Variants in GLIS3 observed in about 807,000 individuals in gnomAD.
GLIS3 encodes the protein GLIS family zinc finger 3, also known as zinc finger protein GLIS3.
A neutral mutation model predicts 78.6 loss-of-function variants in GLIS3; 53 were observed. The ratio of observed to expected loss-of-function variants is 0.67; its 90% CI spans 0.54 to 0.85. GLIS3 has a LOEUF of 0.85. Ranked by LOEUF, GLIS3 falls within the 40% of genes least tolerant of loss-of-function variation. The pLI, the probability that GLIS3 is intolerant of heterozygous loss-of-function variation, is 0.00. For missense variants in GLIS3, 1,703 were observed against 1,231.1 expected, an observed-to-expected ratio of 1.38 and a Z score of -5.74; for synonymous variants, 684 against 509.9, an observed-to-expected ratio of 1.34 and a Z score of -4.60.
chr9:3,922,447 T>C (rs901015080), intron 6 of GLIS3, among the ~76,000 whole-genome samples: 1 of 152,242 alleles, frequency 6.6e-6, no homozygotes, highest in Admixed American at 6.5e-5. Context: ...AAAGTTTGCA[T>C]ATGTCCTCAT....
At chr9:3,912,129 G>A (rs534338330) in intron 6 of GLIS3, among the ~76,000 whole-genome samples, 3 of 152,102 alleles carry the variant, frequency 2.0e-5, no homozygotes, top group East Asian at 1.9e-4. Flanking sequence ...CATTAACTCC[G>A]TAGGCTTGTA....
intron 4 of GLIS3, among the ~76,000 whole-genome samples, chr9:4,011,115 C>G (rs1309239286): frequency 6.6e-6 from 1 of 152,156 alleles, no homozygotes; most frequent in Non-Finnish European, 1.5e-5. Context: ...CTGAAACACC[C>G]TATTTGCAAA....
intron 4 of GLIS3, among the ~76,000 whole-genome samples, chr9:4,079,261 G>A (rs539677815): frequency 6.6e-6 from 1 of 152,162 alleles, no homozygotes; most frequent in Non-Finnish European, 1.5e-5. Flanking sequence ...GTAAGTGAAA[G>A]GTATTAGAAT....
chr9:4,030,797 C>T (rs1472153109), intron 4 of GLIS3, among the ~76,000 whole-genome samples: 1 of 152,106 alleles, frequency 6.6e-6, no homozygotes, highest in African/African-American at 2.4e-5. Context: ...CAGGATGAAG[C>T]CAGAAATGCT....
At chr9:4,070,834 T>C (rs1167674571) in intron 4 of GLIS3, 3 of 152,212 alleles carry the variant, frequency 2.0e-5, no homozygotes, top group African/African-American at 7.2e-5. Flanking sequence ...TTTACAGTTC[T>C]TTTATGGGCT....
chr9:4,162,847 G>A (rs1300535342), intron 2 of GLIS3, among the ~76,000 whole-genome samples: 5 of 95,836 alleles, frequency 5.2e-5, no homozygotes, highest in East Asian at 6.0e-4. Context: ...ACAGAGTCTC[G>A]CTCTGTCAAA....
At chr9:4,117,038 G>A (rs139236305) in intron 4 of GLIS3, among the ~76,000 whole-genome samples, 57 of 152,282 alleles carry the variant, frequency 3.7e-4, no homozygotes, top group Admixed American at 5.2e-4. Context: ...GAGAGTTCCA[G>A]GATGGATGCT....
chr9:4,286,583 A>G, intron 1 of GLIS3, 60 bp from the exon 2 acceptor site: 1 of 838,738 alleles, frequency 1.2e-6, no homozygotes, highest in Non-Finnish European at 1.9e-6. Context: ...AGATACAGTG[A>G]GTTTTTCAAC....
intron 9 of GLIS3, among the ~76,000 whole-genome samples, chr9:3,854,848 T>C (rs1387582549): frequency 6.6e-6 from 1 of 152,136 alleles, no homozygotes; most frequent in Non-Finnish European, 1.5e-5. Flanking sequence ...CCAGCCTACT[T>C]TGATGTTCTT....
At chr9:4,028,406 C>G (rs1381435330) in intron 4 of GLIS3, among the ~76,000 whole-genome samples, 3 of 152,250 alleles carry the variant, frequency 2.0e-5, no homozygotes, top group Middle Eastern at 3.4e-3. Context: ...CCCATTTTCT[C>G]AAATCACGCA....
intron 2 of GLIS3, among the ~76,000 whole-genome samples, chr9:4,242,992 G>T (rs760013112): frequency 5.9e-5 from 9 of 151,852 alleles, no homozygotes; most frequent in Non-Finnish European, 1.3e-4. Context: ...GAAAAGCTCT[G>T]CCTTGTATGT....
At chr9:3,851,393 C>T (rs546414500) in intron 9 of GLIS3, among the ~76,000 whole-genome samples, 2 of 152,080 alleles carry the variant, frequency 1.3e-5, no homozygotes, top group Non-Finnish European at 2.9e-5. Context: ...AGATCTCACC[C>T]GAATGGAGAC....
At chr9:4,484,358 C>T in the GLIS3 span, among the ~76,000 whole-genome samples, 1 of 150,434 alleles carries the variant, frequency 6.6e-6, no homozygotes, top group African/African-American at 2.4e-5. Flanking sequence ...CTGCCTCAGC[C>T]TCCCGAGTAG....
At chr9:4,194,427 A>C (rs1818614666) in intron 2 of GLIS3, among the ~76,000 whole-genome samples, 1 of 152,218 alleles carries the variant, frequency 6.6e-6, no homozygotes. Flanking sequence ...ACTAGTAACA[A>C]ATATAAACTT....
intron 2 of GLIS3, among the ~76,000 whole-genome samples, chr9:4,246,145 G>A (rs893598034): frequency 2.0e-5 from 3 of 152,118 alleles, no homozygotes; most frequent in Non-Finnish European, 4.4e-5. Context: ...GGGAGGCTGA[G>A]GCAAGTAGTT....
intron 4 of GLIS3, among the ~76,000 whole-genome samples, chr9:4,080,866 AC>A (rs1828500155): frequency 1.3e-5 from 2 of 152,030 alleles, no homozygotes; most frequent in African/African-American, 2.4e-5. Flanking sequence ...GATCATCTTG[AC>A]CCCCGGGCGT....
chr9:4,177,533 A>G (rs1322854424), intron 2 of GLIS3, among the ~76,000 whole-genome samples: 1 of 152,130 alleles, frequency 6.6e-6, no homozygotes, highest in Non-Finnish European at 1.5e-5. Flanking sequence ...TCATTCACTC[A>G]ACTCCTCCCA....
At chr9:4,364,817 G>C in the GLIS3 span, among the ~76,000 whole-genome samples, 1 of 117,234 alleles carries the variant, frequency 8.5e-6, no homozygotes, top group African/African-American at 3.2e-5. Flanking sequence ...CTATTGACCA[G>C]GCTGAAGCAC....
rs569531741 is a variant in GLIS3 at position 4,187,641 on chromosome 9, T to C, written c.389-61700A>G. Among the ~76,000 whole-genome samples the C allele has an allele frequency of 6.7e-4, 102 of 152,340 alleles. 2 individuals carry two copies. In the South Asian group the frequency reaches 9.5e-3, roughly 14 times the overall value. On this transcript the variant is annotated intron_variant, in intron 2 of 10. Coordinates refer to ENST00000381971, the MANE Select transcript of GLIS3 (RefSeq NM_001042413.2). ...TCCTACCCATGAGCATGGAATGTTC[T>C]TCCATTTGTTTGTATCCTCTTTTAT...
Sources: gnomAD v4.1 joint callset for allele counts (sites outside exome capture counted in the v4.1 genomes callset) on GRCh38, gnomAD v4.1.1 for gene constraint, MANE v1.5 for transcripts, NCBI Gene and HGNC (gene_info 2026-07-23, HGNC 2026-07-21) for gene names.